DAPK1: variants seen among roughly 807,000 people sequenced by gnomAD.
DAPK1 encodes the protein death associated protein kinase 1, also known as death-associated protein kinase 1.
In DAPK1, 56 loss-of-function variants were observed where a neutral mutation model predicts 144.9. That is an observed-to-expected ratio of 0.39 (90% CI 0.31 to 0.48). The LOEUF (loss-of-function observed/expected upper bound fraction) is 0.48, where lower values mean the gene tolerates loss of function less well. Ranked by LOEUF, DAPK1 falls within the 20% of genes least tolerant of loss-of-function variation. DAPK1 has a pLI of 0.95. For synonymous variants in DAPK1, 690 were observed against 749.0 expected, an observed-to-expected ratio of 0.92 and a Z score of 1.29; for missense variants, 1,454 against 1,875.4, an observed-to-expected ratio of 0.78 and a Z score of 4.15.
intron 25 of DAPK1, among the ~76,000 whole-genome samples, chr9:87,704,745 C>T (rs889100017): frequency 6.6e-6 from 1 of 152,284 alleles, no homozygotes; most frequent in East Asian, 1.9e-4. Flanking sequence ...AATTTTCAAC[C>T]TAGGTTCAAT....
intron 21 of DAPK1, among the ~76,000 whole-genome samples, chr9:87,696,306 G>T (rs545968875): frequency 5.9e-5 from 9 of 152,254 alleles, no homozygotes; most frequent in Non-Finnish European, 1.2e-4. Context: ...TAATAATGAA[G>T]GTACTTAGGG....
At chr9:87,594,839 C>A (rs1447295497) in intron 2 of DAPK1, among the ~76,000 whole-genome samples, 1 of 152,216 alleles carries the variant, frequency 6.6e-6, no homozygotes, top group Admixed American at 6.5e-5. Flanking sequence ...CAGAAGGAGG[C>A]AGAAGGAGCA....
intron 2 of DAPK1, among the ~76,000 whole-genome samples, chr9:87,596,568 G>A (rs560207097): frequency 1.2e-4 from 19 of 152,206 alleles, no homozygotes; most frequent in Non-Finnish European, 2.4e-4. Flanking sequence ...TGAAAAGTGA[G>A]TCCATGCGTG....
In DAPK1 at chr9:87,525,333, C is replaced by T. The variant is rs7048189; in HGVS notation, c.62+26194C>T. 1.3e-3 allele frequency: 2,080 copies of T among 1,610,266 alleles called. 20 individuals are homozygous for T. The African/African-American group carries it at 0.024, about 19-fold the overall frequency. Reference sequence around the variant, plus strand: ...CACCAGCAGCTGTACTGGAGCCACCCGCGAAAATTCGGCCAGGGTTCTCGC... The same window carrying T: ...CACCAGCAGCTGTACTGGAGCCACCTGCGAAAATTCGGCCAGGGTTCTCGC... On this transcript the variant is annotated intron_variant, in intron 2 of 25. Coordinates refer to ENST00000408954, the MANE Select transcript of DAPK1 (RefSeq NM_004938.4).
At chr9:87,659,400 C>T (rs1186097346) in intron 18 of DAPK1, among the ~76,000 whole-genome samples, 2 of 152,186 alleles carry the variant, frequency 1.3e-5, no homozygotes, top group Non-Finnish European at 2.9e-5. Flanking sequence ...AAGCCCTGCC[C>T]AGCCATGCTT....
intron 24 of DAPK1, 132 bp from the exon 25 acceptor site, chr9:87,702,896 AC>A (rs1825502932): frequency 3.2e-6 from 2 of 619,680 alleles, no homozygotes; most frequent in Non-Finnish European, 5.9e-6. Context: ...AACGTCAACA[AC>A]AACAAAAAAA....
At chr9:87,520,437 T>C (rs1236708595) in intron 2 of DAPK1, among the ~76,000 whole-genome samples, 1 of 152,212 alleles carries the variant, frequency 6.6e-6, no homozygotes, top group Non-Finnish European at 1.5e-5. Flanking sequence ...ACAGCAGTTT[T>C]CAGCTCTGTG....
At chr9:87,618,221 G>A (rs533298690) in intron 3 of DAPK1, among the ~76,000 whole-genome samples, 14 of 152,366 alleles carry the variant, frequency 9.2e-5, no homozygotes, top group Non-Finnish European at 1.6e-4. Flanking sequence ...TAACTCAGAA[G>A]CACTGTGAGA....
chr9:87,515,074 G>A (rs975880590), intron 2 of DAPK1, among the ~76,000 whole-genome samples: 10 of 152,206 alleles, frequency 6.6e-5, no homozygotes, highest in Non-Finnish European at 1.5e-4. Context: ...CTTAGCTATG[G>A]AGTCAAGCAC....
At chr9:87,699,245 C>G (rs1192425089) in intron 23 of DAPK1, among the ~76,000 whole-genome samples, 1 of 152,132 alleles carries the variant, frequency 6.6e-6, no homozygotes, top group Non-Finnish European at 1.5e-5. Context: ...TGAAAGCAAC[C>G]CCCTTCTTTC....
At chr9:87,620,004 G>A (rs188422778) in intron 3 of DAPK1, among the ~76,000 whole-genome samples, 2 of 151,836 alleles carry the variant, frequency 1.3e-5, no homozygotes, top group Admixed American at 6.5e-5. Context: ...GGCATGCATG[G>A]GCCCAGACAG....
intron 19 of DAPK1, among the ~76,000 whole-genome samples, chr9:87,678,233 C>G (rs1824472811): frequency 6.6e-6 from 1 of 151,982 alleles, no homozygotes; most frequent in Non-Finnish European, 1.5e-5. Flanking sequence ...AATTTATAGA[C>G]AGGGACGCAC....
intron 2 of DAPK1, among the ~76,000 whole-genome samples, chr9:87,543,357 A>G (rs1487102404): frequency 1.3e-5 from 2 of 152,220 alleles, no homozygotes; most frequent in African/African-American, 2.4e-5. Context: ...ATCACTTACA[A>G]ATGAACACTT....
chr9:87,619,546 G>C (rs915054472), intron 3 of DAPK1, among the ~76,000 whole-genome samples: 1 of 152,200 alleles, frequency 6.6e-6, no homozygotes, highest in African/African-American at 2.4e-5. Flanking sequence ...CTTCCCGAAG[G>C]CTCTGCCTTG....
In DAPK1 at chr9:87,669,407, G is replaced by A. The variant is rs36216614; in HGVS notation, c.2001+733G>A. The stretch of plus-strand genomic sequence containing the variant: ...GTATATAGGTAATAATCTCTACTAT[G>A]TTAAAATCCATAGAAAGAAAATGAT... On this transcript the variant is annotated intron_variant, in intron 19 of 25. Coordinates refer to ENST00000408954, the MANE Select transcript of DAPK1 (RefSeq NM_004938.4). 1.4e-3 allele frequency among the ~76,000 whole-genome samples: 216 copies of A among 152,098 alleles called. 1 individual carries two copies. The highest frequency in any genetic ancestry group is 4.7e-3 in the African/African-American group (196 of 41,500).
chr9:87,697,228 G>T, intron 22 of DAPK1, 24 bp downstream of exon 22: 1 of 1,110,934 alleles, frequency 9.0e-7, no homozygotes. Flanking sequence ...CTGCAGGCCA[G>T]TGATGTCCTA....
rs532447965 is a variant in DAPK1, at chr9:87,537,983, G to A, written c.62+38844G>A. Reference sequence around the variant, plus strand: ...CCCTTAGGAATTACAGTTGTTTTACGGGCCCAAAATGCTTTGTAACTCAGC... The same window carrying A: ...CCCTTAGGAATTACAGTTGTTTTACAGGCCCAAAATGCTTTGTAACTCAGC... On this transcript the variant is annotated intron_variant, in intron 2 of 25. Transcript: ENST00000408954. Among the ~76,000 whole-genome samples the A allele has an allele frequency of 3.3e-5, 5 of 152,152 alleles. No homozygotes were observed. The South Asian group carries it at 1.0e-3, about 32-fold the overall frequency.
At position 87,512,075 on chromosome 9, in the gene DAPK1, T is replaced by C. The variant is rs552914094; in HGVS notation, c.62+12936T>C. Among the ~76,000 whole-genome samples the C allele has an allele frequency of 5.8e-4, 88 of 152,272 alleles. 1 individual carries two copies. In the South Asian group the frequency reaches 0.017, roughly 30 times the overall value. ...ATCTTTTATTTATTTGTTTGTTTATTTTTTTAGAGACAAGGTCTTGCTATG... is the reference window on the plus strand; with the variant it reads ...ATCTTTTATTTATTTGTTTGTTTATCTTTTTAGAGACAAGGTCTTGCTATG... On this transcript the variant is annotated intron_variant, in intron 2 of 25. Coordinates refer to ENST00000408954, the MANE Select transcript of DAPK1 (RefSeq NM_004938.4).
At chr9:87,533,834 T>C (rs1825776691) in intron 2 of DAPK1, among the ~76,000 whole-genome samples, 1 of 152,200 alleles carries the variant, frequency 6.6e-6, no homozygotes. Context: ...GGCTAATTTT[T>C]GTATTTTGAG....
Sources: allele counts gnomAD v4.1 joint callset (sites outside exome capture counted in the v4.1 genomes callset), GRCh38; gene constraint gnomAD v4.1.1; transcripts MANE v1.5; gene names NCBI Gene and HGNC (gene_info 2026-07-23, HGNC 2026-07-21).